The following BRINP2 variants were observed in gnomAD, a reference collection of about 807,000 sequenced individuals.
BRINP2 encodes the protein BMP/retinoic acid inducible neural specific 2.
Under a neutral mutation model 69.2 loss-of-function variants are expected in BRINP2, and 21 were observed. The ratio of observed to expected loss-of-function variants is 0.30; its 90% confidence interval spans 0.22 to 0.44. BRINP2 has a LOEUF of 0.44. Among genes scored for constraint, BRINP2 ranks in the 20% least tolerant of loss-of-function variants. The pLI is 1.00. For synonymous variants in BRINP2, 380 were observed against 394.1 expected (o/e 0.96, Z 0.42); for missense variants, 877 against 986.0 (o/e 0.89, Z 1.48).
At chr1:177,202,368 T>C (rs1274338753) in intron 1 of BRINP2, among the ~76,000 whole-genome samples, 2 of 152,248 alleles carry the variant, frequency 1.3e-5, no homozygotes. Context: ...TACACACTGC[T>C]TTGAATGTGT....
intron 1 of BRINP2, among the ~76,000 whole-genome samples, chr1:177,225,058 T>C (rs1571914238): frequency 6.6e-6 from 1 of 152,326 alleles, no homozygotes; most frequent in Non-Finnish European, 1.5e-5. Context: ...CTAGCATAAA[T>C]GGATATTAAA....
intron 1 of BRINP2, among the ~76,000 whole-genome samples, chr1:177,220,685 C>A (rs928798495): frequency 1.3e-5 from 2 of 152,204 alleles, no homozygotes; most frequent in Non-Finnish European, 2.9e-5. Context: ...AAGCCTCTTA[C>A]ACCTTAGATG....
chr1:177,207,864 A>G (rs192585040), intron 1 of BRINP2, among the ~76,000 whole-genome samples: 1 of 152,292 alleles, frequency 6.6e-6, no homozygotes, highest in Non-Finnish European at 1.5e-5. Context: ...AGCTAAATCT[A>G]GACAGGAGGC....
Position 177,237,780 on chromosome 1 carries a change from C to CGT in BRINP2, c.269+7646_269+7647dup, listed in dbSNP as rs747430772. On this transcript the variant is annotated intron_variant, in intron 2 of 7. Transcript: ENST00000361539. ...TCATGAATGAATTGCTTCTTAGAGA[C>CGT]GTGTGTGTGTGTAGAAAGGAGTGAG... Among the ~76,000 whole-genome samples the CGT allele has an allele frequency of 4.6e-5, 7 of 152,052 alleles. No individual in the cohort carries two copies. In the East Asian group the frequency reaches 1.2e-3, roughly 25 times the overall value.
At chr1:177,268,713 C>T (rs182526021) in intron 4 of BRINP2, among the ~76,000 whole-genome samples, 1 of 152,164 alleles carries the variant, frequency 6.6e-6, no homozygotes, top group Non-Finnish European at 1.5e-5. Context: ...CACCAAGACA[C>T]TAGGTCTTAG....
rs147657788 is a variant in BRINP2 at position 177,256,398 on chromosome 1, G to T, written c.460+289G>T. 1.8e-5 allele frequency: 18 copies of T among 985,428 alleles called. No homozygotes were observed. In the East Asian group the frequency reaches 1.9e-3, roughly 106 times the overall value. 61.0% of individuals were successfully genotyped at this position (985,428 alleles called of 1,614,324 possible). ...GGGCACTCCCAGTTTTCGCTCCGCT[G>T]AGTCACCCAACCCCTGAGGCTTCGC... On this transcript the variant is annotated intron_variant, in intron 3 of 7. Transcript: ENST00000361539.
intron 5 of BRINP2, among the ~76,000 whole-genome samples, chr1:177,275,932 T>C (rs564241168): frequency 5.5e-4 from 84 of 152,372 alleles, no homozygotes; most frequent in African/African-American, 1.7e-3. Flanking sequence ...ATGCACGCTC[T>C]CAATTTGGCT....
chr1:177,187,253 A>C (rs74127706), intron 1 of BRINP2, among the ~76,000 whole-genome samples: 3,838 of 152,012 alleles, frequency 0.025, 138 homozygotes, highest in African/African-American at 0.077. Context: ...ACCCTGCCAC[A>C]CCTAACAGAA....
At chr1:177,259,761 A>G (rs1650886827) in intron 4 of BRINP2, among the ~76,000 whole-genome samples, 1 of 152,210 alleles carries the variant, frequency 6.6e-6, no homozygotes, top group African/African-American at 2.4e-5. Flanking sequence ...ATTTGTTTAC[A>G]GCATGGTTTA....
In BRINP2 at chr1:177,229,875, G is replaced by C. The variant is rs763137751; in HGVS notation, c.-2G>C. 1.3e-6 allele frequency: 2 copies of C among 1,578,546 alleles called. No homozygotes were observed. Among genetic ancestry groups the C allele is most frequent in the Admixed American group, 3.5e-5 (2 of 57,430 alleles). ...TGAAGAAACCAATCGCCCGGGAGAAGCATGAGGTGGCAGTGTGGCACTCGG... is the reference window on the plus strand; with the variant it reads ...TGAAGAAACCAATCGCCCGGGAGAACCATGAGGTGGCAGTGTGGCACTCGG... On this transcript the variant is annotated 5_prime_UTR_variant, in exon 2 of 8. Coordinates refer to ENST00000361539, the MANE Select transcript of BRINP2 (RefSeq NM_021165.4).
At chr1:177,200,737 A>G (rs915149692) in intron 1 of BRINP2, among the ~76,000 whole-genome samples, 4 of 152,200 alleles carry the variant, frequency 2.6e-5, no homozygotes, top group African/African-American at 9.6e-5. Context: ...TGATCACTTA[A>G]TACTTTGTGT....
chr1:177,172,983 C>T (rs918565186), intron 1 of BRINP2, among the ~76,000 whole-genome samples: 1 of 152,144 alleles, frequency 6.6e-6, no homozygotes, highest in Non-Finnish European at 1.5e-5. Flanking sequence ...TGACCATGCT[C>T]GCTAAAATAC....
chr1:177,222,243 C>T (rs1455058194), intron 1 of BRINP2, among the ~76,000 whole-genome samples: 1 of 151,030 alleles, frequency 6.6e-6, no homozygotes, highest in Non-Finnish European at 1.5e-5. Context: ...GTGCTAATAA[C>T]CCCTGTTGGA....
chr1:177,232,652 C>G (rs184570485), intron 2 of BRINP2, among the ~76,000 whole-genome samples: 9 of 152,206 alleles, frequency 5.9e-5, no homozygotes, highest in Admixed American at 5.2e-4. Context: ...CACTTTGTTT[C>G]TAGTGGCAAT....
At chr1:177,194,909 C>T (rs773838121) in intron 1 of BRINP2, among the ~76,000 whole-genome samples, 20 of 152,216 alleles carry the variant, frequency 1.3e-4, no homozygotes, top group Non-Finnish European at 2.5e-4. Flanking sequence ...TTTGGATTTT[C>T]TTGTTAAGAC....
At position 177,256,101 on chromosome 1, in the gene BRINP2, C is replaced by T. The variant is rs760389934; in HGVS notation, c.452C>T (p.Thr151Ile). 1.9e-6 allele frequency: 3 copies of T among 1,613,740 alleles called. No individual in the cohort carries two copies. Among genetic ancestry groups the T allele is most frequent in the Non-Finnish European group, 2.5e-6 (3 of 1,179,806 alleles). Reference sequence around the variant, plus strand: ...GGCACTCATTTCTTACTTTCTGCCACCCTTGGAGGTAAGCAACATCACAAT... The same window carrying T: ...GGCACTCATTTCTTACTTTCTGCCATCCTTGGAGGTAAGCAACATCACAAT... ...KYGTHFLLSATLGGEESLTIF... is the reference protein window; with the variant it reads ...KYGTHFLLSAILGGEESLTIF... The change falls in exon 3 of 8, where the codon ACC becomes ATC. Residue 151 changes from threonine to isoleucine, a missense_variant. Around this residue, in one of 3 missense-constraint regions of BRINP2, gnomAD observed 566 missense variants for 625.2 expected, o/e 0.91. Transcript: ENST00000361539.
intron 1 of BRINP2, among the ~76,000 whole-genome samples, chr1:177,183,137 CTTTTTTTTTTTTTTTT>C (rs71129597): frequency 3.7e-5 from 2 of 54,302 alleles, no homozygotes; most frequent in Admixed American, 2.5e-4. Flanking sequence ...AGTGTGTGAG[CTTTTTTTTTTTTTTTT>C]TTTTTTTTTC....
chr1:177,251,836 G>A (rs115230681), intron 2 of BRINP2, among the ~76,000 whole-genome samples: 2,871 of 152,158 alleles, frequency 0.019, 73 homozygotes, highest in African/African-American at 0.062. Flanking sequence ...TTTCCTTTCC[G>A]TGAGGGGCTT....
chr1:177,210,481 A>C (rs482484), intron 1 of BRINP2, among the ~76,000 whole-genome samples: 47,535 of 151,938 alleles, frequency 0.31, 7,630 homozygotes, highest in East Asian at 0.39. Flanking sequence ...GGAGTGAGCA[A>C]TGTACATGCA....
Sources: allele counts gnomAD v4.1 joint callset (sites outside exome capture counted in the v4.1 genomes callset), GRCh38; gene constraint gnomAD v4.1.1; regional missense constraint gnomAD v4.1.1; transcripts MANE v1.5; gene names NCBI Gene and HGNC (gene_info 2026-07-23, HGNC 2026-07-21).